ZNF831: variants seen among roughly 807,000 people sequenced by gnomAD.
The protein encoded by ZNF831 is chromosome 20 open reading frame 174.
Under a neutral mutation model 95.8 loss-of-function variants are expected in ZNF831, and 59 were observed. That is an observed-to-expected ratio of 0.62 (90% confidence interval 0.50 to 0.77). ZNF831 has a LOEUF of 0.77. Among genes scored for constraint, ZNF831 ranks in the 30% least tolerant of loss-of-function variants. The pLI, the probability that ZNF831 is intolerant of heterozygous loss-of-function variation, is 0.00. For synonymous variants in ZNF831, 961 were observed against 925.5 expected (o/e 1.04, Z -0.70); for missense variants, 2,205 against 2,164.0 (o/e 1.02, Z -0.38).
At position 59,253,055 on chromosome 20, in the gene ZNF831, G is replaced by A. The variant is rs758027422; in HGVS notation, c.4105G>A (p.Gly1369Ser). Reference protein sequence around the residue: ...PCCGKEEKKEGDCRQTLGTLS... With the variant: ...PCCGKEEKKESDCRQTLGTLS... ...TTGTGGGAAGGAAGAGAAGAAGGAAGGTGACTGCAGACAAACCTTAGGAAC... is the reference window on the plus strand; with the variant it reads ...TTGTGGGAAGGAAGAGAAGAAGGAAAGTGACTGCAGACAAACCTTAGGAAC... Residue 1369 changes from glycine (G) to serine (S), a missense_variant, in exon 5 of 6, where the codon GGT (glycine) becomes AGT (serine). Physicochemically the swap from Gly to Ser is moderately conservative, Grantham distance 56. Transcript: ENST00000371030. 17 of 1,614,058 alleles carry A rather than the reference G, an allele frequency of 1.1e-5. No homozygotes were observed. Among genetic ancestry groups the A allele is most frequent in the Non-Finnish European group, 1.4e-5 (17 of 1,180,020 alleles).
intron 3 of ZNF831, among the ~76,000 whole-genome samples, chr20:59,200,231 G>T (rs1984430153): frequency 6.6e-6 from 1 of 152,094 alleles, no homozygotes; most frequent in Non-Finnish European, 1.5e-5. Context: ...TTGATTTGTG[G>T]ATTGGTGTCT....
intron 1 of ZNF831, among the ~76,000 whole-genome samples, chr20:59,146,058 G>A (rs570878908): frequency 1.3e-5 from 2 of 152,200 alleles, no homozygotes; most frequent in South Asian, 2.1e-4. Context: ...AGCTGCCGTG[G>A]CACTGAGCTT....
In ZNF831 at chr20:59,257,917, C is replaced by T. The variant is rs1180987948; in HGVS notation, c.*3174C>T. 1 of 152,196 alleles carries T rather than the reference C, an allele frequency of 6.6e-6. No individual in the cohort carries two copies. Among genetic ancestry groups the T allele is most frequent in the African/African-American group, 2.4e-5 (1 of 41,458 alleles). The allele number at this position is 152,196 out of a possible 1,614,324, so 9.4% of individuals were successfully genotyped here. A position where few individuals can be genotyped will look rare whatever the true frequency, so the allele number is the denominator to read the frequency against. ...TTCTCTCTCCACCTGTACCTACACC[C>T]AGCTAGATCTTGTCGTTAAAGATGT... On this transcript the variant is annotated 3_prime_UTR_variant, in exon 6 of 6. Coordinates refer to ENST00000371030, the MANE Select transcript of ZNF831 (RefSeq NM_178457.3).
rs1392405402 is a variant in ZNF831 at position 59,165,028 on chromosome 20, A to G, written c.-37+821A>G. ...TTAACCACCCTCGCTTTATTGCCCC[A>G]GCTAAGAGCAAGTATTTAGGACCAT... On this transcript the variant is annotated intron_variant, in intron 1 of 5. Transcript: ENST00000371030. Among the ~76,000 whole-genome samples the G allele has an allele frequency of 3.3e-5, 5 of 152,216 alleles. No individual in the cohort carries two copies. The East Asian group carries it at 9.6e-4, about 29-fold the overall frequency.
At chr20:59,167,043 G>T (rs574403715) in intron 1 of ZNF831, among the ~76,000 whole-genome samples, 1 of 152,202 alleles carries the variant, frequency 6.6e-6, no homozygotes, top group African/African-American at 2.4e-5. Context: ...CATCCACACC[G>T]AAATGGATCC....
At chr20:59,129,069 T>C (rs1361418296) in intron 1 of ZNF831, among the ~76,000 whole-genome samples, 1 of 152,188 alleles carries the variant, frequency 6.6e-6, no homozygotes, top group Non-Finnish European at 1.5e-5. Flanking sequence ...TGGCCTATTT[T>C]GAAATAATTT....
At chr20:59,253,869 C>CCGGGGTG in intron 5 of ZNF831, 29 bp from the exon 6 acceptor site, 2 of 1,067,568 alleles carry the variant, frequency 1.9e-6, no homozygotes, top group Non-Finnish European at 1.2e-6. Flanking sequence ...TCCCCCCCCA[C>CCGGGGTG]TTTTTTTTTC....
intron 1 of ZNF831, among the ~76,000 whole-genome samples, chr20:59,188,473 C>T: frequency 6.6e-6 from 1 of 152,020 alleles, no homozygotes. Flanking sequence ...CTATTCAAGT[C>T]CTCTGCTCAT....
chr20:59,164,318 A>AT (rs1981084470), intron 1 of ZNF831, among the ~76,000 whole-genome samples, 111 bp downstream of exon 1: 1 of 152,218 alleles, frequency 6.6e-6, no homozygotes, highest in African/African-American at 2.4e-5. Context: ...AGTTAAAGGG[A>AT]AAATGCTACG....
intron 2 of ZNF831, among the ~76,000 whole-genome samples, chr20:59,154,160 C>T (rs6026731): frequency 0.1 from 15,288 of 152,124 alleles, 840 homozygotes; most frequent in Non-Finnish European, 0.12. Context: ...TCACAGGGAC[C>T]CTGCTGCTGA....
At chr20:59,245,894 A>G (rs1256960259) in intron 4 of ZNF831, among the ~76,000 whole-genome samples, 1 of 152,256 alleles carries the variant, frequency 6.6e-6, no homozygotes, top group Non-Finnish European at 1.5e-5. Context: ...AAATGGAGAG[A>G]CAACGGTGAT....
chr20:59,216,086 T>TCAAAAAG (rs1289207457), intron 4 of ZNF831, among the ~76,000 whole-genome samples: 16 of 152,332 alleles, frequency 1.1e-4, no homozygotes, highest in African/African-American at 3.1e-4. Context: ...CAATTCAGTT[T>TCAAAAAG]TATTTAACTT....
At chr20:59,172,422 G>C (rs983392199) in intron 1 of ZNF831, among the ~76,000 whole-genome samples, 2 of 152,092 alleles carry the variant, frequency 1.3e-5, no homozygotes, top group African/African-American at 4.8e-5. Context: ...AGCTCTTCCT[G>C]GCCTGGAAAA....
intron 4 of ZNF831, among the ~76,000 whole-genome samples, chr20:59,211,442 G>A (rs1183163240): frequency 6.6e-6 from 1 of 152,354 alleles, no homozygotes; most frequent in East Asian, 1.9e-4. Flanking sequence ...AGAGGGAACC[G>A]GGAAGGCTAG....
At chr20:59,244,015 G>A (rs1343842830) in intron 4 of ZNF831, among the ~76,000 whole-genome samples, 2 of 151,072 alleles carry the variant, frequency 1.3e-5, no homozygotes, top group East Asian at 1.9e-4. Context: ...TTCTCTTCTT[G>A]TCTGGGCATG....
At chr20:59,245,347 G>T (rs765254377) in intron 4 of ZNF831, among the ~76,000 whole-genome samples, 8 of 152,210 alleles carry the variant, frequency 5.3e-5, no homozygotes, top group Non-Finnish European at 7.3e-5. Context: ...CATTGTCTCA[G>T]TTGGCTGGAG....
intron 1 of ZNF831, among the ~76,000 whole-genome samples, chr20:59,179,071 T>C (rs1046596304): frequency 6.6e-6 from 1 of 152,186 alleles, no homozygotes; most frequent in Non-Finnish European, 1.5e-5. Context: ...CTCTTCCCAC[T>C]AGTTGTCCCC....
intron 2 of ZNF831, among the ~76,000 whole-genome samples, chr20:59,156,697 C>T (rs1020933466): frequency 3.3e-5 from 5 of 152,138 alleles, no homozygotes; most frequent in Admixed American, 6.5e-5. Flanking sequence ...TGGTGATCAC[C>T]GCTGGACTCT....
rs114527408 is a variant in ZNF831 at position 59,176,461 on chromosome 20, T to C, written c.-37+12254T>C. Among the ~76,000 whole-genome samples, 965 of 152,308 alleles carry C rather than the reference T, an allele frequency of 6.3e-3. 10 individuals carry two copies. Among genetic ancestry groups the C allele is most frequent in the African/African-American group, 0.022 (912 of 41,552 alleles). On this transcript the variant is annotated intron_variant, in intron 1 of 5. Transcript: ENST00000371030. Reference sequence around the variant, plus strand: ...GAGGGTGCATTTTACTGTATGTAAATTGTACCTTAATTAAAAAAATACATC... The same window carrying C: ...GAGGGTGCATTTTACTGTATGTAAACTGTACCTTAATTAAAAAAATACATC...
Sources: gnomAD v4.1 joint callset for allele counts (sites outside exome capture counted in the v4.1 genomes callset) on GRCh38, gnomAD v4.1.1 for gene constraint, MANE v1.5 for transcripts, NCBI Gene and HGNC (gene_info 2026-07-23, HGNC 2026-07-21) for gene names.